SCRG1: variants seen among roughly 807,000 people sequenced by gnomAD.
The protein encoded by SCRG1 is stimulator of chondrogenesis 1.
In SCRG1, 3 loss-of-function variants were observed where a neutral mutation model predicts 7.7. That is an observed-to-expected ratio of 0.39 (90% CI 0.18 to 1.01). The LOEUF is 1.01. Among genes scored for constraint, SCRG1 ranks in the 50% least tolerant of loss-of-function variants. The pLI, the probability that SCRG1 is intolerant of heterozygous loss-of-function variation, is 0.36. For missense variants in SCRG1, 110 were observed against 117.2 expected (o/e 0.94, Z 0.28); for synonymous variants, 46 against 41.2 (o/e 1.12, Z -0.44).
chr4:173,424,570 C>T, the SCRG1 span, among the ~76,000 whole-genome samples: 1 of 152,162 alleles, frequency 6.6e-6, no homozygotes, highest in Non-Finnish European at 1.5e-5. Flanking sequence ...ACCTTCTGGA[C>T]CATACTATAT....
the SCRG1 span, among the ~76,000 whole-genome samples, chr4:173,446,164 A>T: frequency 1.3e-5 from 2 of 152,194 alleles, no homozygotes; most frequent in African/African-American, 2.4e-5. Context: ...GGATGCTAAT[A>T]TTCATTTATT....
chr4:173,416,488 C>G, the SCRG1 span, among the ~76,000 whole-genome samples: 1 of 152,212 alleles, frequency 6.6e-6, no homozygotes, highest in African/African-American at 2.4e-5. Flanking sequence ...GGCGCGGTGG[C>G]GCGCCTGTGG....
At chr4:173,512,083 A>G in the SCRG1 span, among the ~76,000 whole-genome samples, 2 of 152,246 alleles carry the variant, frequency 1.3e-5, no homozygotes, top group South Asian at 4.1e-4. Flanking sequence ...GCTGGCCAAC[A>G]TATGCACACA....
At chr4:173,419,934 T>C in the SCRG1 span, 3 of 758,694 alleles carry the variant, frequency 4.0e-6, no homozygotes, top group Non-Finnish European at 7.1e-6. Flanking sequence ...GTGCAGACTA[T>C]CATAGCCCCC....
chr4:173,417,720 T>A, the SCRG1 span, among the ~76,000 whole-genome samples: 1 of 152,002 alleles, frequency 6.6e-6, no homozygotes, highest in Non-Finnish European at 1.5e-5. Flanking sequence ...AGCCTTGAAC[T>A]CCTGGGCTCA....
the SCRG1 span, among the ~76,000 whole-genome samples, chr4:173,431,607 G>C: frequency 6.6e-6 from 1 of 152,178 alleles, no homozygotes; most frequent in Non-Finnish European, 1.5e-5. Context: ...CTATGCTGGG[G>C]CATTAATAGC....
At chr4:173,466,738 C>T in the SCRG1 span, among the ~76,000 whole-genome samples, 3 of 152,070 alleles carry the variant, frequency 2.0e-5, no homozygotes, top group African/African-American at 4.8e-5. Context: ...TAATAGTTGA[C>T]AAAGTAATGT....
chr4:173,505,197 G>A, the SCRG1 span, among the ~76,000 whole-genome samples: 2 of 152,284 alleles, frequency 1.3e-5, no homozygotes, highest in East Asian at 3.9e-4. This position sits in a 1 kb window ranked among gnomAD's most constrained non-coding sequence, Gnocchi z 4.4. Context: ...AAATGCACCT[G>A]ACACCCCCTA....
chr4:173,448,178 T>A, the SCRG1 span, among the ~76,000 whole-genome samples: 3 of 152,228 alleles, frequency 2.0e-5, no homozygotes, highest in African/African-American at 7.2e-5. Flanking sequence ...GTGACCCAAC[T>A]TATAATAATG....
chr4:173,491,217 C>CTTTTTTTTTTTTTTTTT, the SCRG1 span, among the ~76,000 whole-genome samples: 1 of 133,060 alleles, frequency 7.5e-6, no homozygotes, highest in South Asian at 2.5e-4. Flanking sequence ...CTCTCTCTCT[C>CTTTTTTTTTTTTTTTTT]TTTTTTTTTT....
chr4:173,478,777 C>T, the SCRG1 span, among the ~76,000 whole-genome samples: 1 of 151,726 alleles, frequency 6.6e-6, no homozygotes, highest in Non-Finnish European at 1.5e-5. Context: ...TGGAAGATGA[C>T]GAAAGGAAAA....
chr4:173,457,749 T>C, the SCRG1 span, among the ~76,000 whole-genome samples: 2 of 152,224 alleles, frequency 1.3e-5, no homozygotes, highest in African/African-American at 4.8e-5. Flanking sequence ...CTAATCTTAT[T>C]GCTAGCTAAG....
At chr4:173,480,781 T>C in the SCRG1 span, among the ~76,000 whole-genome samples, 1 of 152,104 alleles carries the variant, frequency 6.6e-6, no homozygotes, top group African/African-American at 2.4e-5. Context: ...TTTAAATGTA[T>C]GCTGAAGTAC....
At chr4:173,433,854 G>GT in the SCRG1 span, among the ~76,000 whole-genome samples, 1 of 152,206 alleles carries the variant, frequency 6.6e-6, no homozygotes, top group South Asian at 2.1e-4. Context: ...TGACTTGGCA[G>GT]TGGCCCCACC....
At chr4:173,419,716 A>G in the SCRG1 span, 2 of 952,962 alleles carry the variant, frequency 2.1e-6, no homozygotes, top group Non-Finnish European at 3.4e-6. Context: ...TGCCAGTGGT[A>G]GTTCTGGCAA....
At chr4:173,408,673 G>A (rs1177879802), upstream of SCRG1, among the ~76,000 whole-genome samples, 1 of 151,970 alleles carries the variant, frequency 6.6e-6, no homozygotes, top group Admixed American at 6.5e-5. Flanking sequence ...CCTCCCCATA[G>A]AAATTTTGAC....
At chr4:173,509,581 A>G in the SCRG1 span, among the ~76,000 whole-genome samples, 43 of 152,104 alleles carry the variant, frequency 2.8e-4, no homozygotes, top group African/African-American at 8.4e-4. The surrounding 1 kb of genome is among the most constrained non-coding windows in gnomAD (Gnocchi z 5.7). Flanking sequence ...CAAAAACCTC[A>G]TTTATTTCCT....
chr4:173,427,717 T>G, the SCRG1 span, among the ~76,000 whole-genome samples: 1 of 152,206 alleles, frequency 6.6e-6, no homozygotes, highest in Admixed American at 6.5e-5. Context: ...CTATAAGTAA[T>G]GGCCTTTTCT....
the SCRG1 span, chr4:173,420,197 G>T: frequency 1.6e-5 from 6 of 372,812 alleles, no homozygotes; most frequent in African/African-American, 4.3e-5. Flanking sequence ...CGGCCCTAGT[G>T]GGGGAAAAGG....
Sources: gnomAD v4.1 joint callset for allele counts (sites outside exome capture counted in the v4.1 genomes callset) on GRCh38, gnomAD v4.1.1 for gene constraint, Gnocchi (gnomAD v3.1) non-coding constraint, MANE v1.5 for transcripts, NCBI Gene and HGNC (gene_info 2026-07-23, HGNC 2026-07-21) for gene names.